Variants in ZNF638 observed in about 807,000 individuals in gnomAD.
ZNF638 encodes zinc finger protein 638, also known as CTCL tumor antigen se33-1.
ZNF638 carries 46 observed loss-of-function variants against 195.6 expected under a neutral mutation model. That is an observed-to-expected ratio of 0.24 (90% CI 0.19 to 0.30). The LOEUF (loss-of-function observed/expected upper bound fraction) is 0.30, where lower values mean the gene tolerates loss of function less well. ZNF638 is among the 10% of genes least tolerant of loss of function. The pLI is 1.00. For synonymous variants in ZNF638, 845 were observed against 772.0 expected, an observed-to-expected ratio of 1.09 and a Z score of -1.57; for missense variants, 2,440 against 2,325.3, an observed-to-expected ratio of 1.05 and a Z score of -1.01.
chr2:71,433,077 A>G, intron 26 of ZNF638, 88 bp from the exon 27 acceptor site: 1 of 1,069,916 alleles, frequency 9.3e-7, no homozygotes, highest in Non-Finnish European at 1.4e-6. Flanking sequence ...ACAGAGTGAG[A>G]CTCCGTCTCA....
chr2:71,336,389 A>C (rs868792100), intron 1 of ZNF638, among the ~76,000 whole-genome samples: 31 of 127,102 alleles, frequency 2.4e-4, no homozygotes, highest in African/African-American at 4.8e-4. Flanking sequence ...AAAAAAAAAA[A>C]AAAAAAAAAA....
Position 71,384,357 on chromosome 2 carries a change from A to G in ZNF638, c.2377+3792A>G, listed in dbSNP as rs377314999. 3.3e-5 allele frequency among the ~76,000 whole-genome samples: 5 copies of G among 152,240 alleles called. No individual in the cohort carries two copies. The South Asian group carries it at 8.3e-4, about 25-fold the overall frequency. ...TCTACTTCTAGCAACCAGTGGAATA[A>G]AGTCCAAATTCTTTGGCTTTCCATA... is the stretch of plus-strand genomic sequence containing the variant. On this transcript the variant is annotated intron_variant, in intron 10 of 27. Transcript: ENST00000264447.
chr2:71,383,756 CTTTTTCT>C (rs2079579025), intron 10 of ZNF638, among the ~76,000 whole-genome samples: 1 of 88,006 alleles, frequency 1.1e-5, no homozygotes, highest in African/African-American at 5.1e-5. Flanking sequence ...TTTTTTTTTT[CTTTTTCT>C]TTTTTTTTTT....
intron 3 of ZNF638, among the ~76,000 whole-genome samples, chr2:71,357,839 C>T (rs1182570290): frequency 2.0e-5 from 3 of 152,002 alleles, no homozygotes; most frequent in African/African-American, 7.2e-5. Flanking sequence ...TATTGCACTT[C>T]GATTTATTGT....
chr2:71,398,319 T>G (rs1310567661), intron 11 of ZNF638, among the ~76,000 whole-genome samples: 1 of 152,190 alleles, frequency 6.6e-6, no homozygotes, highest in Non-Finnish European at 1.5e-5. Context: ...AAGGCAATTT[T>G]ATACAGTGTT....
chr2:71,387,126 G>T (rs1377743204), intron 10 of ZNF638, among the ~76,000 whole-genome samples: 1 of 151,924 alleles, frequency 6.6e-6, no homozygotes, highest in Non-Finnish European at 1.5e-5. Context: ...TAGAAGAATA[G>T]GCAGGACAGT....
intron 1 of ZNF638, among the ~76,000 whole-genome samples, chr2:71,334,771 A>C (rs1329758038): frequency 1.3e-5 from 2 of 152,066 alleles, no homozygotes; most frequent in East Asian, 3.9e-4. Context: ...TAGAAAAAAA[A>C]TTAGCCGGGC....
chr2:71,402,823 C>T lies in ZNF638; in HGVS notation c.2829+736C>T, dbSNP rs182843618. On this transcript the variant is annotated intron_variant, in intron 16 of 27. Coordinates refer to ENST00000264447, the MANE Select transcript of ZNF638 (RefSeq NM_014497.5). ...AGAATAGTGGGAAGAAGTGTTCTTA[C>T]GTTAGAGAGGAGTTGGTAGTCACTA... Among the ~76,000 whole-genome samples the T allele has an allele frequency of 9.5e-4, 145 of 152,120 alleles. 1 individual carries two copies. Among genetic ancestry groups the T allele is most frequent in the African/African-American group, 3.4e-3 (142 of 41,516 alleles).
chr2:71,346,901 G>C (rs1051730843), intron 1 of ZNF638, among the ~76,000 whole-genome samples: 2 of 152,066 alleles, frequency 1.3e-5, no homozygotes, highest in African/African-American at 4.8e-5. Flanking sequence ...GCACATGCCT[G>C]TAATCCCAGC....
intron 19 of ZNF638, among the ~76,000 whole-genome samples, chr2:71,406,487 G>A (rs953932633): frequency 2.0e-5 from 3 of 151,992 alleles, no homozygotes; most frequent in Non-Finnish European, 4.4e-5. Context: ...TAAGACTTAC[G>A]CAAGGGGGAA....
Position 71,369,967 on chromosome 2 carries a change from AGT to A in ZNF638, c.2231_2232del (p.Val744GlufsTer41). The A allele has an allele frequency of 6.3e-7, 1 of 1,597,882 alleles. No homozygotes were observed. The highest frequency in any genetic ancestry group is 8.5e-7 in the Non-Finnish European group (1 of 1,175,268). ...ETTPLTIKGKSVKICVPGKKK... is the reference protein window; with the variant it reads ...ETTPLTIKGKXVKICVPGKKK... ...AACACCTCTTACGATAAAAGGAAAA[AGT>A]GTGAAAATATGTGTTCCAGGAAAGA... On this transcript the variant is annotated frameshift_variant, in exon 8 of 28. Coordinates refer to ENST00000264447, the MANE Select transcript of ZNF638 (RefSeq NM_014497.5). LOFTEE classifies it high-confidence loss of function.
At chr2:71,410,376 T>TGTG (rs201242119) in intron 20 of ZNF638, among the ~76,000 whole-genome samples, 140 of 126,072 alleles carry the variant, frequency 1.1e-3, no homozygotes, top group Admixed American at 9.7e-3. Context: ...TTGATTTTTT[T>TGTG]TTTGTGTGTG....
In ZNF638 at chr2:71,434,948, G is replaced by A; in HGVS notation, c.*141G>A. ...AATTTCTGATTGCCCTAAATGTAGA[G>A]AGACTGATGGGGAAAGTATGATGGG... On this transcript the variant is annotated 3_prime_UTR_variant, in exon 28 of 28. Transcript: ENST00000264447. 3.2e-6 allele frequency: 2 copies of A among 631,610 alleles called. No individual in the cohort carries two copies. The highest frequency in any genetic ancestry group is 5.4e-6 in the Non-Finnish European group (2 of 368,872). 39.1% of individuals were successfully genotyped at this position (631,610 alleles called of 1,614,324 possible).
At chr2:71,388,522 C>T in intron 10 of ZNF638, 2 of 711,954 alleles carry the variant, frequency 2.8e-6, no homozygotes, top group Non-Finnish European at 5.2e-6. Context: ...CTTATTGGGG[C>T]TGCGTTCTCT....
At chr2:71,347,426 A>T (rs1204029954) in intron 1 of ZNF638, among the ~76,000 whole-genome samples, 2 of 152,220 alleles carry the variant, frequency 1.3e-5, no homozygotes. Context: ...CAAATTAACA[A>T]TTACTAACAT....
chr2:71,378,395 A>G (rs373677134), intron 8 of ZNF638, among the ~76,000 whole-genome samples: 101 of 152,366 alleles, frequency 6.6e-4, no homozygotes, highest in Non-Finnish European at 1.2e-3. Flanking sequence ...AAAATCCCAT[A>G]TAGTGCAAAA....
intron 3 of ZNF638, among the ~76,000 whole-genome samples, 197 bp from the exon 4 acceptor site, chr2:71,362,956 C>T (rs888351932): frequency 6.6e-6 from 1 of 152,004 alleles, no homozygotes; most frequent in African/African-American, 2.4e-5. Context: ...AAGTTTAGGC[C>T]TTTAAAGTAT....
At chr2:71,388,024 A>G (rs2104383816) in intron 10 of ZNF638, among the ~76,000 whole-genome samples, 1 of 152,312 alleles carries the variant, frequency 6.6e-6, no homozygotes, top group East Asian at 1.9e-4. Context: ...ACTTATAATT[A>G]AAGAAAAAAA....
chr2:71,403,717 A>G (rs903696366), intron 16 of ZNF638, 153 bp from the exon 17 acceptor site: 6 of 476,318 alleles, frequency 1.3e-5, no homozygotes, highest in Non-Finnish European at 1.8e-5. Context: ...TTGGGCCTCA[A>G]TTTTCTGAGG....
Sources: allele counts gnomAD v4.1 joint callset (sites outside exome capture counted in the v4.1 genomes callset), GRCh38; gene constraint gnomAD v4.1.1; transcripts MANE v1.5; gene names NCBI Gene and HGNC (gene_info 2026-07-23, HGNC 2026-07-21).